TBC1D22A: variants seen among roughly 807,000 people sequenced by gnomAD.
The protein encoded by TBC1D22A is TBC1 domain family member 22A.
In TBC1D22A, 38 loss-of-function variants were observed where a neutral mutation model predicts 60.2. The observed-to-expected ratio is 0.63, with a 90% CI of 0.49 to 0.83. The LOEUF (loss-of-function observed/expected upper bound fraction) is 0.83, where lower values mean the gene tolerates loss of function less well. Among genes scored for constraint, TBC1D22A ranks in the 40% least tolerant of loss-of-function variants. The probability of loss-of-function intolerance (pLI) is 0.00; values close to 1 mark genes in which losing one functional copy is unlikely to be tolerated. For synonymous variants in TBC1D22A, 302 were observed against 281.7 expected (o/e 1.07, Z -0.72); for missense variants, 628 against 701.0 (o/e 0.90, Z 1.18).
chr22:47,119,531 C>G (rs2066195981), intron 12 of TBC1D22A, among the ~76,000 whole-genome samples: 1 of 151,024 alleles, frequency 6.6e-6, no homozygotes, highest in African/African-American at 2.5e-5. Context: ...AAGTCTCACA[C>G]TGTCACCCGG....
At chr22:46,814,756 C>G (rs1237455024) in intron 4 of TBC1D22A, among the ~76,000 whole-genome samples, 1 of 151,974 alleles carries the variant, frequency 6.6e-6, no homozygotes, top group Non-Finnish European at 1.5e-5. Flanking sequence ...AAGCAATTCT[C>G]CTGCATCAGC....
intron 12 of TBC1D22A, among the ~76,000 whole-genome samples, chr22:47,152,396 A>C (rs1021076107): frequency 4.6e-5 from 7 of 152,246 alleles, no homozygotes; most frequent in Middle Eastern, 3.4e-3. Context: ...CAGGGTCCCC[A>C]GGCCGAAGTG....
intron 7 of TBC1D22A, among the ~76,000 whole-genome samples, chr22:46,910,446 G>A (rs2069832955): frequency 6.6e-6 from 1 of 152,186 alleles, no homozygotes; most frequent in Non-Finnish European, 1.5e-5. Flanking sequence ...GGGTGCAAGT[G>A]TAGTTGGCTC....
intron 4 of TBC1D22A, among the ~76,000 whole-genome samples, chr22:46,821,781 C>G (rs193145683): frequency 2.0e-5 from 3 of 152,004 alleles, no homozygotes; most frequent in Non-Finnish European, 2.9e-5. Context: ...CATGTTGGCC[C>G]GTCTTGCTAG....
At chr22:46,949,301 C>T (rs2072751831) in intron 8 of TBC1D22A, among the ~76,000 whole-genome samples, 1 of 152,220 alleles carries the variant, frequency 6.6e-6, no homozygotes, top group Admixed American at 6.5e-5. Flanking sequence ...GCTGTGAGTG[C>T]CAGAGGGAAC....
In TBC1D22A at chr22:47,158,736, G is replaced by A. The variant is rs552698274; in HGVS notation, c.1426-14762G>A. Among the ~76,000 whole-genome samples, 3 of 152,242 alleles carry A rather than the reference G, an allele frequency of 2.0e-5. No individual in the cohort carries two copies. The South Asian group carries it at 6.2e-4, about 32-fold the overall frequency. Reference sequence around the variant, plus strand: ...GTCCTGTGGAAGGGACAGGGCAGCGGAGCCTCACATCTCAGGAAGATAGCA... The same window carrying A: ...GTCCTGTGGAAGGGACAGGGCAGCGAAGCCTCACATCTCAGGAAGATAGCA... On this transcript the variant is annotated intron_variant, in intron 12 of 12. Transcript: ENST00000337137.
rs528193628 is a variant in TBC1D22A at position 47,015,649 on chromosome 22, G to A, written c.1201+17940G>A. Reference sequence around the variant, plus strand: ...TTACTGTGCGGTGTCCATGCGGGCTGCTCCCGGACAGCAGCAGCCAGGAAG... The same window carrying A: ...TTACTGTGCGGTGTCCATGCGGGCTACTCCCGGACAGCAGCAGCCAGGAAG... On this transcript the variant is annotated intron_variant, in intron 10 of 12. Transcript: ENST00000337137. Among the ~76,000 whole-genome samples the A allele has an allele frequency of 2.0e-5, 3 of 152,308 alleles. No individual in the cohort carries two copies. The East Asian group carries it at 5.8e-4, about 29-fold the overall frequency.
intron 11 of TBC1D22A, among the ~76,000 whole-genome samples, chr22:47,065,581 A>G (rs1388146151): frequency 2.2e-5 from 1 of 44,962 alleles, no homozygotes; most frequent in Admixed American, 3.0e-4. Flanking sequence ...AGTATTAGTG[A>G]AGATTTCATT....
At chr22:47,150,958 T>C (rs1034813682) in intron 12 of TBC1D22A, among the ~76,000 whole-genome samples, 1 of 152,200 alleles carries the variant, frequency 6.6e-6, no homozygotes, top group Non-Finnish European at 1.5e-5. Flanking sequence ...CACAGAGGCC[T>C]TGTGCTTCTG....
intron 11 of TBC1D22A, among the ~76,000 whole-genome samples, chr22:47,061,022 G>A (rs4602323): frequency 0.015 from 2,309 of 152,228 alleles, 26 homozygotes; most frequent in Non-Finnish European, 0.021. Context: ...GCTCGCATGC[G>A]ACCTCCTGGA....
intron 8 of TBC1D22A, among the ~76,000 whole-genome samples, chr22:46,936,135 A>C (rs746423691): frequency 2.0e-5 from 3 of 152,200 alleles, no homozygotes; most frequent in Non-Finnish European, 4.4e-5. Context: ...GGTGCCGGGC[A>C]TGTGCTGGTC....
intron 11 of TBC1D22A, among the ~76,000 whole-genome samples, chr22:47,107,491 C>A (rs2065679981): frequency 1.3e-5 from 2 of 152,224 alleles, no homozygotes; most frequent in South Asian, 4.1e-4. Flanking sequence ...TCAATATCAT[C>A]AAAAATATGA....
chr22:46,805,376 C>T (rs906163704), intron 4 of TBC1D22A, among the ~76,000 whole-genome samples: 7 of 152,202 alleles, frequency 4.6e-5, no homozygotes, highest in East Asian at 3.8e-4. Flanking sequence ...GAAAAGCAGA[C>T]GCAAGGACTT....
intron 5 of TBC1D22A, among the ~76,000 whole-genome samples, chr22:46,888,098 A>T (rs1046460886): frequency 2.0e-5 from 3 of 152,178 alleles, no homozygotes; most frequent in Admixed American, 2.0e-4. Context: ...CCGCAACTCC[A>T]CACTGTGCGC....
At chr22:46,820,278 T>A (rs1194375214) in intron 4 of TBC1D22A, among the ~76,000 whole-genome samples, 1 of 152,174 alleles carries the variant, frequency 6.6e-6, no homozygotes, top group East Asian at 1.9e-4. Context: ...CTGCTAGCTT[T>A]TGGATTAGTT....
intron 8 of TBC1D22A, among the ~76,000 whole-genome samples, chr22:46,966,472 C>A (rs1246107305): frequency 6.6e-6 from 1 of 152,222 alleles, no homozygotes; most frequent in Non-Finnish European, 1.5e-5. Context: ...GTTTCTCACA[C>A]ATAGAAGTGT....
intron 11 of TBC1D22A, among the ~76,000 whole-genome samples, chr22:47,105,396 C>T (rs868504099): frequency 3.3e-5 from 5 of 152,090 alleles, no homozygotes; most frequent in African/African-American, 9.7e-5. Context: ...CCAGAAATCT[C>T]GAGAAAATAC....
At chr22:46,943,888 C>G (rs1405787027) in intron 8 of TBC1D22A, among the ~76,000 whole-genome samples, 1 of 152,214 alleles carries the variant, frequency 6.6e-6, no homozygotes, top group South Asian at 2.1e-4. Flanking sequence ...CGCGTCAGTA[C>G]TCCGGTCCTT....
chr22:47,128,891 G>T (rs2066588622), intron 12 of TBC1D22A, among the ~76,000 whole-genome samples: 2 of 152,226 alleles, frequency 1.3e-5, no homozygotes, highest in African/African-American at 4.8e-5. Context: ...CAATATGCAT[G>T]AGGCAGGCAA....
Sources: allele counts gnomAD v4.1 joint callset (sites outside exome capture counted in the v4.1 genomes callset), GRCh38; gene constraint gnomAD v4.1.1; transcripts MANE v1.5; gene names NCBI Gene and HGNC (gene_info 2026-07-23, HGNC 2026-07-21).